The following ACSM2A variants were observed in gnomAD, a reference collection of about 807,000 sequenced individuals.
ACSM2A encodes the protein acyl-CoA synthetase medium chain family member 2A.
Under a neutral mutation model 76.6 loss-of-function variants are expected in ACSM2A, and 72 were observed. The observed-to-expected ratio is 0.94, with a 90% confidence interval of 0.78 to 1.14. The LOEUF (loss-of-function observed/expected upper bound fraction) is 1.14, where lower values mean the gene tolerates loss of function less well. Ranked by LOEUF, ACSM2A falls within the 50% of genes most tolerant of loss-of-function variation. The pLI is 0.00. For synonymous variants in ACSM2A, 249 were observed against 255.9 expected (o/e 0.97, Z 0.26); for missense variants, 684 against 708.5 (o/e 0.97, Z 0.39).
rs1325352524 is a variant in ACSM2A at position 20,485,519 on chromosome 16, GT to G, written c.1630-1054del. Among the ~76,000 whole-genome samples the G allele has an allele frequency of 3.9e-5, 6 of 152,200 alleles. No individual in the cohort carries two copies. The East Asian group carries it at 1.2e-3, about 29-fold the overall frequency. On this transcript the variant is annotated intron_variant, in intron 13 of 13. Transcript: ENST00000573854. ...AATAGTAAATATTTTAGGCTATGTG[GT>G]CTTTGTTGCAACTACTCAACTTTGC...
chr16:20,472,480 G>A (rs897634889), intron 6 of ACSM2A, among the ~76,000 whole-genome samples: 74 of 152,060 alleles, frequency 4.9e-4, no homozygotes, highest in Admixed American at 1.3e-3. Flanking sequence ...TAAAAGCCCT[G>A]CCTCCAAATA....
chr16:20,482,939 A>G, intron 12 of ACSM2A, 119 bp from the exon 13 acceptor site: 1 of 1,474,180 alleles, frequency 6.8e-7, no homozygotes, highest in Non-Finnish European at 9.2e-7. Flanking sequence ...GACCTGGATC[A>G]CCGGGGGTGC....
chr16:20,477,543 G>T lies in ACSM2A; in HGVS notation c.1179+94G>T. ...ATTGTTTATTGAGTCAAAAATAATA[G>T]AAAGTACTGATATTAAGATAACATA... On this transcript the variant is annotated intron_variant, in intron 9 of 13. Transcript: ENST00000573854. The T allele has an allele frequency of 2.7e-6, 4 of 1,478,182 alleles. No homozygotes were observed. The South Asian group carries it at 4.7e-5, about 17-fold the overall frequency. The allele number at this position is 1,478,182 out of a possible 1,614,324, so 91.6% of individuals were successfully genotyped here. A position where few individuals can be genotyped will look rare whatever the true frequency, so the allele number is the denominator to read the frequency against.
At chr16:20,462,779 A>C (rs2012704670) in intron 2 of ACSM2A, among the ~76,000 whole-genome samples, 7 of 152,072 alleles carry the variant, frequency 4.6e-5, no homozygotes, top group Middle Eastern at 3.2e-3. Context: ...TTTCTCAAAA[A>C]ATTAAAAAAT....
At chr16:20,480,968 G>C (rs574830900) in intron 12 of ACSM2A, 47 bp downstream of exon 12, 2 of 1,610,950 alleles carry the variant, frequency 1.2e-6, no homozygotes, top group Non-Finnish European at 1.7e-6. Context: ...TGAACACAAG[G>C]GCAGTGTAGT....
At chr16:20,468,133 A>G (rs1190543272) in intron 3 of ACSM2A, among the ~76,000 whole-genome samples, 1 of 152,164 alleles carries the variant, frequency 6.6e-6, no homozygotes, top group African/African-American at 2.4e-5. Context: ...TACTGAAATT[A>G]TAGCCAGAAG....
At position 20,479,575 on chromosome 16, in the gene ACSM2A, T is replaced by C. The variant is rs565457869; in HGVS notation, c.1281+898T>C. ...AGTGTGTTAAATAAAAGAATTGTTGTAGATCCAAATGATTATTCCTATTAT... is the reference window on the plus strand; with the variant it reads ...AGTGTGTTAAATAAAAGAATTGTTGCAGATCCAAATGATTATTCCTATTAT... On this transcript the variant is annotated intron_variant, in intron 10 of 13. Coordinates refer to ENST00000573854, the MANE Select transcript of ACSM2A (RefSeq NM_001308172.2). Among the ~76,000 whole-genome samples the C allele has an allele frequency of 2.8e-3, 421 of 152,304 alleles. 2 individuals are homozygous for C. The highest frequency in any genetic ancestry group is 3.8e-3 in the Non-Finnish European group (256 of 68,018).
At chr16:20,474,265 G>C in intron 6 of ACSM2A, 1 of 246,006 alleles carries the variant, frequency 4.1e-6, no homozygotes, top group Non-Finnish European at 8.0e-6. Context: ...TCAATCCCCA[G>C]TGTAACAGTA....
chr16:20,465,758 G>C (rs2012956582), intron 3 of ACSM2A, 31 bp downstream of exon 3: 1 of 1,602,792 alleles, frequency 6.2e-7, no homozygotes, highest in Admixed American at 1.7e-5. Flanking sequence ...ACAGAGAACT[G>C]TCTTCCTTGT....
At chr16:20,479,711 A>G (rs1323640414) in intron 10 of ACSM2A, among the ~76,000 whole-genome samples, 1 of 152,162 alleles carries the variant, frequency 6.6e-6, no homozygotes, top group Non-Finnish European at 1.5e-5. Flanking sequence ...GTGAAGTACT[A>G]TGTCATGGGC....
chr16:20,464,569 G>T (rs1425362997), intron 2 of ACSM2A, among the ~76,000 whole-genome samples: 2 of 151,972 alleles, frequency 1.3e-5, no homozygotes, highest in African/African-American at 2.4e-5. Context: ...CAGATCTTAT[G>T]ATCTCATTTA....
At chr16:20,458,901 TATG>T (rs2012393878) in intron 1 of ACSM2A, among the ~76,000 whole-genome samples, 1 of 50,314 alleles carries the variant, frequency 2.0e-5, no homozygotes, top group East Asian at 2.5e-3. Context: ...ATTATATATA[TATG>T]CATATATATA....
At chr16:20,463,228 T>C (rs975513324) in intron 2 of ACSM2A, among the ~76,000 whole-genome samples, 2 of 150,862 alleles carry the variant, frequency 1.3e-5, no homozygotes, top group African/African-American at 2.4e-5. Context: ...ACTTAAAGTA[T>C]AATAATAAAA....
At chr16:20,453,724 C>T (rs1042335153) in intron 1 of ACSM2A, 1 of 126,786 alleles carries the variant, frequency 7.9e-6, no homozygotes, top group Non-Finnish European at 1.6e-5. Flanking sequence ...AGAAATATTG[C>T]TGAATTCTTT....
chr16:20,485,663 C>A (rs2014344921), intron 13 of ACSM2A, among the ~76,000 whole-genome samples: 4 of 152,196 alleles, frequency 2.6e-5, no homozygotes, highest in South Asian at 2.1e-4. Context: ...AGTTTGCTGA[C>A]CTCTCCTCCA....
chr16:20,454,419 C>T (rs888388399), intron 1 of ACSM2A, among the ~76,000 whole-genome samples: 1 of 152,018 alleles, frequency 6.6e-6, no homozygotes, highest in African/African-American at 2.4e-5. Context: ...TTCCTCCCCA[C>T]CCAGTAGTGG....
chr16:20,458,493 A>G (rs1475123887), intron 1 of ACSM2A, among the ~76,000 whole-genome samples: 1 of 145,726 alleles, frequency 6.9e-6, no homozygotes, highest in Non-Finnish European at 1.5e-5. Context: ...ATTATATAAT[A>G]CATAATATTA....
intron 2 of ACSM2A, among the ~76,000 whole-genome samples, chr16:20,463,701 CAG>C (rs1271315160): frequency 6.6e-6 from 1 of 152,196 alleles, no homozygotes; most frequent in African/African-American, 2.4e-5. Context: ...TACCCAGTGT[CAG>C]ATATTCCTTT....
chr16:20,470,948 T>A, intron 4 of ACSM2A, 125 bp from the exon 5 acceptor site: 1 of 1,261,414 alleles, frequency 7.9e-7, no homozygotes, highest in Non-Finnish European at 1.1e-6. Flanking sequence ...CTCAGCAGCC[T>A]CTCTTGTGAG....
Sources: gnomAD v4.1 joint callset for allele counts (sites outside exome capture counted in the v4.1 genomes callset) on GRCh38, gnomAD v4.1.1 for gene constraint, MANE v1.5 for transcripts, NCBI Gene and HGNC (gene_info 2026-07-23, HGNC 2026-07-21) for gene names.